The following JAG2 variants were observed in gnomAD, a reference collection of about 807,000 sequenced individuals.
JAG2 encodes protein jagged-2.
In JAG2, 46 loss-of-function variants were observed where a neutral mutation model predicts 141.7. The ratio of observed to expected loss-of-function variants is 0.32; its 90% CI spans 0.26 to 0.42. The LOEUF is 0.42. Among genes scored for constraint, JAG2 ranks in the 10% least tolerant of loss-of-function variants. JAG2 has a pLI of 1.00. For missense variants in JAG2, 1,500 were observed against 1,817.5 expected (o/e 0.83, Z 3.18); for synonymous variants, 862 against 763.5 (o/e 1.13, Z -2.13).
chr14:105,153,793 C>T (rs954310487), intron 5 of JAG2, among the ~76,000 whole-genome samples: 2 of 152,176 alleles, frequency 1.3e-5, no homozygotes, highest in South Asian at 2.1e-4. Context: ...TCTCTGCTGC[C>T]TTCCTCCAGC....
chr14:105,148,259 G>C lies in JAG2; in HGVS notation c.2135-30C>G, dbSNP rs751409916. On this transcript the variant is annotated intron_variant, in intron 16 of 25. Coordinates refer to ENST00000331782, the MANE Select transcript of JAG2 (RefSeq NM_002226.5). ...TGGCACATGGGCCGCTCAGCAGGCA[G>C]GCCCCAGACCGCCAGGGCCAGGGTC... The C allele has an allele frequency of 2.5e-6, 4 of 1,572,998 alleles. No individual in the cohort carries two copies. The African/African-American group carries it at 5.4e-5, about 21-fold the overall frequency.
chr14:105,149,044 G>A lies in JAG2; in HGVS notation c.1799C>T (p.Thr600Ile), dbSNP rs369686885. 3.2e-5 allele frequency: 52 copies of A among 1,608,604 alleles called. No homozygotes were observed. The highest frequency in any genetic ancestry group is 1.8e-4 in the South Asian group (16 of 90,412). ...GGGGCCACACACGCCGGAGGCTGCT[G>A]TGCCAGGCATCCCAGGCCCCGCGTC... is the stretch of plus-strand genomic sequence containing the variant. ...GSDAGPGMPG[T>I]AASGVCGPHG... Residue 600 changes from threonine (T) to isoleucine (I), a missense_variant, in exon 14 of 26, where the codon ACA becomes ATA. Physicochemically the swap from Thr to Ile is moderately conservative, Grantham distance 89. Around this residue, in one of 3 missense-constraint regions of JAG2, gnomAD observed 875 missense variants for 1,202.2 expected, o/e 0.73. Transcript: ENST00000331782.
chr14:105,147,311 T>C lies in JAG2; in HGVS notation c.2479+15A>G. On this transcript the variant is annotated intron_variant, in intron 20 of 25. Coordinates refer to ENST00000331782, the MANE Select transcript of JAG2 (RefSeq NM_002226.5). ...GCTGAGGGGCTCCCAGGGCTGGGGC[T>C]GTCTGGCCACTCACTGATGCGGCAG... 2 of 1,550,352 alleles carry C rather than the reference T, an allele frequency of 1.3e-6. No homozygotes were observed. The highest frequency in any genetic ancestry group is 1.2e-5 in the South Asian group (1 of 84,194).
intron 5 of JAG2, among the ~76,000 whole-genome samples, chr14:105,153,536 T>A (rs587745721): frequency 7.9e-5 from 12 of 152,044 alleles, no homozygotes; most frequent in African/African-American, 2.9e-4. Context: ...GGCCCCCACC[T>A]CCTGGTTTCC....
At position 105,146,504 on chromosome 14, in the gene JAG2, T is replaced by C. The variant is rs1595173766; in HGVS notation, c.2594-4A>G. 6.2e-7 allele frequency: 1 copy of C among 1,612,376 alleles called. No homozygotes were observed. Among genetic ancestry groups the C allele is most frequent in the Non-Finnish European group, 8.5e-7 (1 of 1,179,586 alleles). ...CAGGATCTCCCGAACCCGATCACTG[T>C]GGGGAGAAGGGGCTCGAGGGTCAGC... On this transcript the variant is annotated splice_region_variant and splice_polypyrimidine_tract_variant and intron_variant, in intron 21 of 25. Transcript: ENST00000331782.
rs1435139697 is a variant in JAG2 at position 105,150,285 on chromosome 14, C to T, written c.1602+319G>A. Among the ~76,000 whole-genome samples, 3 of 151,966 alleles carry T rather than the reference C, an allele frequency of 2.0e-5. 1 individual carries two copies. Among genetic ancestry groups the T allele is most frequent in the South Asian group, 4.1e-4 (2 of 4,828 alleles). ...CACCCTACCCCATGTGCTCTGCCCA[C>T]CAGAGCCCCCTGCCCTCCAGTCCCG... On this transcript the variant is annotated intron_variant, in intron 12 of 25. Transcript: ENST00000331782.
In JAG2 at chr14:105,147,539, G is replaced by A; in HGVS notation, c.2366-12C>T. 6.2e-7 allele frequency: 1 copy of A among 1,611,246 alleles called. No individual in the cohort carries two copies. The highest frequency in any genetic ancestry group is 8.5e-7 in the Non-Finnish European group (1 of 1,178,524). The stretch of plus-strand genomic sequence containing the variant: ...GCAGTCGTTGGTATCTGGTTTGGGA[G>A]AAGAGAACGCAGGGGATCAGTACCC... On this transcript the variant is annotated splice_polypyrimidine_tract_variant and intron_variant, in intron 18 of 25. Coordinates refer to ENST00000331782, the MANE Select transcript of JAG2 (RefSeq NM_002226.5).
chr14:105,142,347 G>A lies in JAG2; in HGVS notation c.*348C>T, dbSNP rs1199518128. 1 of 230,196 alleles carries A rather than the reference G, an allele frequency of 4.3e-6. No homozygotes were observed. The highest frequency in any genetic ancestry group is 8.5e-6 in the Non-Finnish European group (1 of 117,976). The allele number at this position is 230,196 out of a possible 1,614,324, so 14.3% of individuals were successfully genotyped here. ...GGAGCCACAGAGAAACCCGAGTGAG[G>A]AATAAAAGGAAGATTCTGTAAACAG... On this transcript the variant is annotated 3_prime_UTR_variant, in exon 26 of 26. Transcript: ENST00000331782.
At chr14:105,165,118 G>A (rs926014133) in intron 2 of JAG2, among the ~76,000 whole-genome samples, 38 of 152,186 alleles carry the variant, frequency 2.5e-4, no homozygotes, top group Non-Finnish European at 7.4e-5. Context: ...CTCCAGAGAT[G>A]GGCCAGCCAG....
At chr14:105,152,697 C>T (rs1888473674) in intron 5 of JAG2, among the ~76,000 whole-genome samples, 1 of 152,164 alleles carries the variant, frequency 6.6e-6, no homozygotes, top group African/African-American at 2.4e-5. Flanking sequence ...GGGAGCACTC[C>T]TGGCTCTGCC....
In JAG2 at chr14:105,146,432, C is replaced by A. The variant is rs775886072; in HGVS notation, c.2662G>T (p.Asp888Tyr). The A allele has an allele frequency of 6.2e-7, 1 of 1,612,764 alleles. No individual in the cohort carries two copies. Among genetic ancestry groups the A allele is most frequent in the Non-Finnish European group, 8.5e-7 (1 of 1,179,900 alleles). ...TCCAGGCAGCGGCAGCTGTTGCAGT[C>A]TTCCACCCAGGAGCTTCCGTGTGGG... is the stretch of plus-strand genomic sequence containing the variant. ...PFPHGSSWVE[D>Y]CNSCRCLDGR... The change falls in exon 22 of 26, where the codon GAC (aspartate) becomes TAC (tyrosine). Residue 888 changes from aspartate (D) to tyrosine (Y), a missense_variant. Asp to Tyr is a radical substitution (Grantham distance 160, BLOSUM62 -3). This residue lies in a region of JAG2 where 875 missense variants were observed against 1,202.2 expected (regional missense o/e 0.73). Coordinates refer to ENST00000331782, the MANE Select transcript of JAG2 (RefSeq NM_002226.5).
chr14:105,141,820 G>A lies in JAG2; in HGVS notation c.*875C>T, dbSNP rs1888065695. 1 of 152,586 alleles carries A rather than the reference G, an allele frequency of 6.6e-6. No individual in the cohort carries two copies. Among genetic ancestry groups the A allele is most frequent in the Non-Finnish European group, 1.5e-5 (1 of 68,074 alleles). 9.5% of individuals were successfully genotyped at this position (152,586 alleles called of 1,614,324 possible). The stretch of plus-strand genomic sequence containing the variant: ...CAAAAATGCACTTTCACGAGGAGGG[G>A]CGGCCGGGGCCGGCAGGTGGGCAGC... On this transcript the variant is annotated 3_prime_UTR_variant, in exon 26 of 26. Coordinates refer to ENST00000331782, the MANE Select transcript of JAG2 (RefSeq NM_002226.5).
In JAG2 at chr14:105,168,359, A is replaced by T; in HGVS notation, c.62T>A (p.Val21Glu). ...RRLLLLLALW[V>E]QAARPMGYFE... Reference sequence around the variant, plus strand: ...CGCCCCCGCCGCCCCGCTCACCTGCACCCAGAGCGCCAGCAGCAGCAGCAG... The same window carrying T: ...CGCCCCCGCCGCCCCGCTCACCTGCTCCCAGAGCGCCAGCAGCAGCAGCAG... Residue 21 changes from valine (V) to glutamate (E), a missense_variant, in exon 1 of 26, where the codon GTG becomes GAG. Physicochemically the swap from Val to Glu is moderately radical, Grantham distance 121 (BLOSUM62 -2). Around this residue, in one of 3 missense-constraint regions of JAG2, gnomAD observed 200 missense variants for 174.3 expected, o/e 1.15. Coordinates refer to ENST00000331782, the MANE Select transcript of JAG2 (RefSeq NM_002226.5). 1.1e-6 allele frequency: 1 copy of T among 932,896 alleles called. No individual in the cohort carries two copies. The highest frequency in any genetic ancestry group is 1.3e-6 in the Non-Finnish European group (1 of 748,188). The allele number at this position is 932,896 out of a possible 1,614,324, so 57.8% of individuals were successfully genotyped here.
chr14:105,152,872 T>C (rs1440650615), intron 5 of JAG2, among the ~76,000 whole-genome samples: 1 of 152,132 alleles, frequency 6.6e-6, no homozygotes, highest in Admixed American at 6.5e-5. Flanking sequence ...TTCCTGATTC[T>C]GCAGGAGCTC....
Position 105,168,029 on chromosome 14 carries a change from A to C in JAG2, c.145T>G (p.Cys49Gly). The change falls in exon 2 of 26, where the codon TGC becomes GGC. Residue 49 changes from cysteine to glycine, a missense_variant. Transcript: ENST00000331782. ...GTTGTCCGGCCGTCGCCGTCACAGC[A>C]GGCGCCGCTCAGCAGCTCCCCGTTC... ...NVNGELLSGA[C>G]CDGDGRTTRA... The C allele has an allele frequency of 6.3e-7, 1 of 1,596,282 alleles. No individual in the cohort carries two copies. Among genetic ancestry groups the C allele is most frequent in the Non-Finnish European group, 8.5e-7 (1 of 1,176,722 alleles).
intron 17 of JAG2, 62 bp from the exon 18 acceptor site, chr14:105,147,950 T>C: frequency 1.5e-6 from 2 of 1,348,368 alleles, no homozygotes; most frequent in South Asian, 1.2e-5. Flanking sequence ...TGGGTCTCCA[T>C]ACCGCGCCCC....
In JAG2 at chr14:105,145,904, C is replaced by A. The variant is rs1243373921; in HGVS notation, c.2779G>T (p.Gly927Trp). The A allele has an allele frequency of 3.2e-6, 5 of 1,567,666 alleles. No homozygotes were observed. The highest frequency in any genetic ancestry group is 4.3e-6 in the Non-Finnish European group (5 of 1,157,524). ...GGGGCCTTCTCCAGGCACCTTTGCC[C>A]CAGTGGGCACTGGGCGCTCAGGGCC... ...PEALSAQCPL[G>W]QRCLEKAPGQ... The change falls in exon 23 of 26, where the codon GGG becomes TGG. Residue 927 changes from glycine to tryptophan, a missense_variant. Physicochemically the swap from Gly to Trp is radical, Grantham distance 184. Around this residue, in one of 3 missense-constraint regions of JAG2, gnomAD observed 875 missense variants for 1,202.2 expected, o/e 0.73. Transcript: ENST00000331782.
chr14:105,149,595 G>A (rs1480840949), intron 12 of JAG2, among the ~76,000 whole-genome samples: 2 of 151,784 alleles, frequency 1.3e-5, no homozygotes, highest in Non-Finnish European at 2.9e-5. Context: ...CCCTGCTGCT[G>A]GCAGGAAGGA....
Position 105,155,987 on chromosome 14 carries a change from C to T in JAG2, c.478G>A (p.Glu160Lys). 2 of 1,603,616 alleles carry T rather than the reference C, an allele frequency of 1.2e-6. No individual in the cohort carries two copies. The highest frequency in any genetic ancestry group is 1.7e-6 in the Non-Finnish European group (2 of 1,179,170). The change falls in exon 4 of 26, where the codon GAG becomes AAG. Residue 160 changes from glutamate (E) to lysine (K), a missense_variant and splice_region_variant. This residue lies in a region of JAG2 where 875 missense variants were observed against 1,202.2 expected (regional missense o/e 0.73). Coordinates refer to ENST00000331782, the MANE Select transcript of JAG2 (RefSeq NM_002226.5). ...DWDNDTTPNE[E>K]LLIERVSHAG... is the part of the protein sequence containing the mutation. ...TGCGACACTCGCTCGATCAGCAGCTCCTCTTGGGGAGGCGGCAGAGTCAGC... is the reference window on the plus strand; with the variant it reads ...TGCGACACTCGCTCGATCAGCAGCTTCTCTTGGGGAGGCGGCAGAGTCAGC...
Sources: gnomAD v4.1 joint callset for allele counts (sites outside exome capture counted in the v4.1 genomes callset) on GRCh38, gnomAD v4.1.1 for gene constraint, gnomAD v4.1.1 regional missense constraint, MANE v1.5 for transcripts, NCBI Gene and HGNC (gene_info 2026-07-23, HGNC 2026-07-21) for gene names.